VGLL3: variants seen among roughly 807,000 people sequenced by gnomAD.
The protein encoded by VGLL3 is transcription cofactor vestigial-like protein 3.
VGLL3 carries 18 observed loss-of-function variants against 29.2 expected under a neutral mutation model. The observed-to-expected ratio is 0.62, with a 90% CI of 0.43 to 0.91. The LOEUF (loss-of-function observed/expected upper bound fraction) is 0.91, where lower values mean the gene tolerates loss of function less well. VGLL3 is among the 40% of genes least tolerant of loss of function. The pLI is 0.00. For missense variants in VGLL3, 440 were observed against 413.2 expected (o/e 1.06, Z -0.56); for synonymous variants, 180 against 151.8 (o/e 1.19, Z -1.36).
chr3:86,948,924 T>G (rs1460614979), intron 3 of VGLL3, among the ~76,000 whole-genome samples: 1 of 152,248 alleles, frequency 6.6e-6, no homozygotes, highest in Non-Finnish European at 1.5e-5. Flanking sequence ...ACATAGTCTC[T>G]GTTGGGTAAC....
chr3:86,959,574 G>T (rs1704796104), intron 3 of VGLL3, among the ~76,000 whole-genome samples: 1 of 152,006 alleles, frequency 6.6e-6, no homozygotes, highest in African/African-American at 2.4e-5. Context: ...TATTATTGAG[G>T]CTAATGATTC....
intron 3 of VGLL3, among the ~76,000 whole-genome samples, chr3:86,960,459 T>A (rs1469589274): frequency 6.6e-6 from 1 of 152,078 alleles, no homozygotes; most frequent in Non-Finnish European, 1.5e-5. Context: ...CTCAAACAAT[T>A]TTTTTCAGTT....
chr3:86,988,352 T>A (rs963730610), intron 1 of VGLL3, among the ~76,000 whole-genome samples: 1 of 151,854 alleles, frequency 6.6e-6, no homozygotes, highest in African/African-American at 2.4e-5. Flanking sequence ...AAAACAATCT[T>A]CATGGATAAT....
rs1460449877 is a variant in VGLL3 at position 86,943,595 on chromosome 3, CTT to C, written c.*3427_*3428del. On this transcript the variant is annotated 3_prime_UTR_variant, in exon 4 of 4. Coordinates refer to ENST00000398399, the MANE Select transcript of VGLL3 (RefSeq NM_016206.4). ...CTCATTTTGCAAATTTTAGAGCAATCTTAGCCATTTTTGCTTAACAAAATAAT... is the reference window on the plus strand; with the variant it reads ...CTCATTTTGCAAATTTTAGAGCAATCAGCCATTTTTGCTTAACAAAATAAT... The C allele has an allele frequency of 4.6e-5, 7 of 151,894 alleles. No homozygotes were observed. The highest frequency in any genetic ancestry group is 1.2e-4 in the African/African-American group (5 of 41,374). 9.4% of individuals were successfully genotyped at this position (151,894 alleles called of 1,614,324 possible).
intron 3 of VGLL3, chr3:86,961,871 T>G: frequency 1.1e-6 from 1 of 924,170 alleles, no homozygotes; most frequent in Non-Finnish European, 1.3e-6. Flanking sequence ...AATGTGTTCA[T>G]CAGAAAAGCA....
intron 2 of VGLL3, among the ~76,000 whole-genome samples, chr3:86,975,728 T>C (rs1705195632): frequency 6.6e-6 from 1 of 152,154 alleles, no homozygotes; most frequent in East Asian, 1.9e-4. Flanking sequence ...GATATGGTAT[T>C]TGTAGACTTA....
chr3:86,940,929 T>C lies in VGLL3; in HGVS notation c.*6095A>G, dbSNP rs13356. 6.6e-6 allele frequency: 1 copy of C among 152,062 alleles called. No homozygotes were observed. The highest frequency in any genetic ancestry group is 2.1e-4 in the South Asian group (1 of 4,834). 9.4% of individuals were successfully genotyped at this position (152,062 alleles called of 1,614,324 possible). ...AACACAAAATTAAGGTAGCACAACT[T>C]CTTGTAGAACTAACAAGTCTGAAAG... is the stretch of plus-strand genomic sequence containing the variant. On this transcript the variant is annotated 3_prime_UTR_variant, in exon 4 of 4. Transcript: ENST00000398399.
At chr3:86,967,116 T>C (rs994711054) in intron 3 of VGLL3, among the ~76,000 whole-genome samples, 5 of 151,856 alleles carry the variant, frequency 3.3e-5, no homozygotes, top group Non-Finnish European at 7.4e-5. Flanking sequence ...TCCCCCCTTA[T>C]TGGTAGAATT....
In VGLL3 at chr3:86,968,831, A is replaced by G. The variant is rs771777734; in HGVS notation, c.696T>C (p.Pro232=). The G allele has an allele frequency of 1.2e-6, 2 of 1,614,138 alleles. No homozygotes were observed. Among genetic ancestry groups the G allele is most frequent in the East Asian group, 4.5e-5 (2 of 44,862 alleles). Reference sequence around the variant, plus strand: ...GGTGGCGGTGGTGCATGTGGGCATGAGGGTGGTGGTGCCGCATGTACACGT... The same window carrying G: ...GGTGGCGGTGGTGCATGTGGGCATGGGGGTGGTGGTGCCGCATGTACACGT... ...MHDVYMRHHH[P]HAHMHHRHRH... is the part of the protein sequence containing the mutation. Residue 232 remains proline, a synonymous_variant, in exon 3 of 4, where the codon CCT becomes CCC. Transcript: ENST00000398399.
chr3:86,963,405 T>A (rs1704897001), intron 3 of VGLL3, among the ~76,000 whole-genome samples: 1 of 152,130 alleles, frequency 6.6e-6, no homozygotes, highest in Non-Finnish European at 1.5e-5. Context: ...AAGTAGAAAG[T>A]AGACTAATAT....
Position 86,946,259 on chromosome 3 carries a change from A to ATTTCTT in VGLL3, c.*764_*765insAAGAAA, listed in dbSNP as rs1704504056. On this transcript the variant is annotated 3_prime_UTR_variant, in exon 4 of 4. Coordinates refer to ENST00000398399, the MANE Select transcript of VGLL3 (RefSeq NM_016206.4). ...CTTTGGGAGAAATCAAAGCAATAAA[A>ATTTCTT]TATCATTTCTTTAGCACAGTCATTA... 6.6e-6 allele frequency: 1 copy of ATTTCTT among 152,164 alleles called. No individual in the cohort carries two copies. Among genetic ancestry groups the ATTTCTT allele is most frequent in the Admixed American group, 6.5e-5 (1 of 15,280 alleles). The allele number at this position is 152,164 out of a possible 1,614,324, so 9.4% of individuals were successfully genotyped here.
At chr3:86,953,709 G>T (rs1048114660) in intron 3 of VGLL3, among the ~76,000 whole-genome samples, 7 of 151,986 alleles carry the variant, frequency 4.6e-5, no homozygotes, top group African/African-American at 1.7e-4. Flanking sequence ...TTATTCCTCT[G>T]TGTTTTAACT....
At chr3:86,974,939 A>T (rs1161398757) in intron 2 of VGLL3, among the ~76,000 whole-genome samples, 3 of 152,302 alleles carry the variant, frequency 2.0e-5, no homozygotes, top group Non-Finnish European at 4.4e-5. Context: ...CTATGTGTCA[A>T]ATGAGTGGAA....
At chr3:86,965,148 C>T (rs1244528834) in intron 3 of VGLL3, among the ~76,000 whole-genome samples, 5 of 150,424 alleles carry the variant, frequency 3.3e-5, no homozygotes, top group African/African-American at 1.2e-4. Flanking sequence ...CAGAGCCAGA[C>T]TCCATCAAAA....
intron 3 of VGLL3, among the ~76,000 whole-genome samples, chr3:86,953,778 T>G (rs571905920): frequency 2.0e-5 from 3 of 152,214 alleles, no homozygotes; most frequent in Non-Finnish European, 4.4e-5. Flanking sequence ...TAAATGCTTT[T>G]TGTATACTAG....
chr3:86,947,078 T>C lies in VGLL3; in HGVS notation c.938-11A>G, dbSNP rs1180207954. ...CTTGATGCTGTAGACCTGGAACAAA[T>C]GACAATGGGGAAAAAATAAAGAACA... On this transcript the variant is annotated splice_polypyrimidine_tract_variant and intron_variant, in intron 3 of 3. Coordinates refer to ENST00000398399, the MANE Select transcript of VGLL3 (RefSeq NM_016206.4). The C allele has an allele frequency of 2.6e-6, 2 of 780,198 alleles. No individual in the cohort carries two copies. The highest frequency in any genetic ancestry group is 4.8e-6 in the Non-Finnish European group (2 of 417,694). The allele number at this position is 780,198 out of a possible 1,614,324, so 48.3% of individuals were successfully genotyped here.
intron 3 of VGLL3, among the ~76,000 whole-genome samples, chr3:86,950,959 C>G (rs771166099): frequency 1.4e-4 from 21 of 152,114 alleles, no homozygotes; most frequent in Non-Finnish European, 2.6e-4. Flanking sequence ...GGACAAAAGC[C>G]TGAAAGAAAC....
intron 3 of VGLL3, chr3:86,962,952 G>A (rs975294831): frequency 4.6e-5 from 8 of 172,126 alleles, no homozygotes; most frequent in African/African-American, 9.7e-5. Flanking sequence ...AAAATTAGCC[G>A]GGCGTGGTGG....
chr3:86,949,383 T>C (rs1447896149), intron 3 of VGLL3, among the ~76,000 whole-genome samples: 1 of 152,154 alleles, frequency 6.6e-6, no homozygotes, highest in Non-Finnish European at 1.5e-5. Context: ...TAATGGACCC[T>C]TGTGGTTAAA....
Sources: allele counts gnomAD v4.1 joint callset (sites outside exome capture counted in the v4.1 genomes callset), GRCh38; gene constraint gnomAD v4.1.1; transcripts MANE v1.5; gene names NCBI Gene and HGNC (gene_info 2026-07-23, HGNC 2026-07-21).